USP28: variants seen among roughly 807,000 people sequenced by gnomAD.
USP28 encodes the protein ubiquitin specific peptidase 28.
USP28 carries 113 observed loss-of-function variants against 145.0 expected under a neutral mutation model. The observed-to-expected ratio is 0.78, with a 90% CI of 0.67 to 0.91. USP28 has a LOEUF of 0.91. Among genes scored for constraint, USP28 ranks in the 40% least tolerant of loss-of-function variants. The probability of loss-of-function intolerance (pLI) is 0.00; values close to 1 mark genes in which losing one functional copy is unlikely to be tolerated. For missense variants in USP28, 1,201 were observed against 1,289.6 expected, an observed-to-expected ratio of 0.93 and a Z score of 1.05; for synonymous variants, 447 against 450.9, an observed-to-expected ratio of 0.99 and a Z score of 0.11.
chr11:113,813,582 C>T (rs146066261), intron 15 of USP28, among the ~76,000 whole-genome samples: 595 of 152,324 alleles, frequency 3.9e-3, no homozygotes, highest in South Asian at 5.6e-3. Context: ...TCCCACTGCA[C>T]TACTTAAAGT....
At chr11:113,821,224 T>TCCACC (rs1164605300) in intron 12 of USP28, 1 of 223,066 alleles carries the variant, frequency 4.5e-6, no homozygotes, top group Admixed American at 4.4e-5. Context: ...TGGACACCAC[T>TCCACC]CCACCTGGTC....
At chr11:113,819,468 A>C (rs886572494) in intron 12 of USP28, among the ~76,000 whole-genome samples, 2 of 152,120 alleles carry the variant, frequency 1.3e-5, no homozygotes, top group Non-Finnish European at 2.9e-5. Flanking sequence ...CGAAAATTCA[A>C]ATACAAAAAA....
At chr11:113,833,164 T>A (rs984170905) in intron 7 of USP28, among the ~76,000 whole-genome samples, 2 of 152,226 alleles carry the variant, frequency 1.3e-5, no homozygotes, top group African/African-American at 4.8e-5. Flanking sequence ...AGCCCCGGTA[T>A]AATTCTACAT....
chr11:113,802,278 CCAA>C (rs144591776), intron 23 of USP28, among the ~76,000 whole-genome samples: 9,794 of 152,268 alleles, frequency 0.064, 347 homozygotes, highest in African/African-American at 0.082. Context: ...ATCCATCAAA[CCAA>C]CAAGATCCCT....
At chr11:113,837,643 C>T (rs1331248422) in intron 5 of USP28, among the ~76,000 whole-genome samples, 3 of 152,150 alleles carry the variant, frequency 2.0e-5, no homozygotes, top group Non-Finnish European at 4.4e-5. Flanking sequence ...CTCCATCTAG[C>T]TTTGATGCTA....
At position 113,818,974 on chromosome 11, in the gene USP28, A is replaced by G. The variant is rs1184828020; in HGVS notation, c.1284-1137T>C. 4.6e-5 allele frequency among the ~76,000 whole-genome samples: 7 copies of G among 152,102 alleles called. 1 individual carries two copies. Among genetic ancestry groups the G allele is most frequent in the Admixed American group, 4.6e-4 (7 of 15,276 alleles). ...CAACTTTTAGGACCAACTACTTCAT[A>G]CAATGTACACCTCTATCAGTTTAGT... On this transcript the variant is annotated intron_variant, in intron 12 of 24. Coordinates refer to ENST00000003302, the Ensembl canonical transcript of USP28.
At chr11:113,812,471 C>G in exon 16 of USP28, 3 of 1,614,070 alleles carry the variant, frequency 1.9e-6, no homozygotes, top group Non-Finnish European at 2.5e-6. Context: ...GCTTGTCCTT[C>G]ATGAACAAGA....
chr11:113,874,950 A>C, intron 1 of USP28: 1 of 983,680 alleles, frequency 1.0e-6, no homozygotes, highest in Non-Finnish European at 1.2e-6. Context: ...GGAGGGAGGG[A>C]AGTGGTGGTA....
At chr11:113,842,848 G>A (rs775791555) in intron 3 of USP28, among the ~76,000 whole-genome samples, 5 of 150,798 alleles carry the variant, frequency 3.3e-5, no homozygotes, top group Non-Finnish European at 7.4e-5. Flanking sequence ...ACGGAGAAAC[G>A]TTAAGTATAT....
intron 1 of USP28, among the ~76,000 whole-genome samples, chr11:113,859,065 A>T (rs1947367510): frequency 6.6e-6 from 1 of 152,058 alleles, no homozygotes; most frequent in Admixed American, 6.6e-5. Flanking sequence ...CTTTTTGGAA[A>T]TGGGGGTCTC....
At chr11:113,818,803 G>A (rs1247238179) in intron 12 of USP28, among the ~76,000 whole-genome samples, 1 of 151,832 alleles carries the variant, frequency 6.6e-6, no homozygotes, top group East Asian at 1.9e-4. Context: ...TGAGACTACA[G>A]TGAGCCAAGA....
At chr11:113,826,237 C>G (rs561227381) in intron 11 of USP28, among the ~76,000 whole-genome samples, 8 of 136,846 alleles carry the variant, frequency 5.8e-5, no homozygotes. Context: ...GAGCCGAGAT[C>G]GTGCCACTGC....
At chr11:113,841,738 T>C (rs1440906606) in exon 4 of USP28, 1 of 1,613,574 alleles carries the variant, frequency 6.2e-7, no homozygotes, top group Non-Finnish European at 8.5e-7. Flanking sequence ...CTGAAGATCA[T>C]CTTTGTTATC....
At position 113,827,364 on chromosome 11, in the gene USP28, G is replaced by T. The variant is rs770771761; in HGVS notation, c.1060-4C>A. ...GAGGTAGCTTTGTAAACCAACGCTA[G>T]TGTCAAGAGTAGAAATGTGAGAGAA... On this transcript the variant is annotated splice_polypyrimidine_tract_variant and splice_region_variant and intron_variant, in intron 10 of 24. Coordinates refer to ENST00000003302, the Ensembl canonical transcript of USP28. 6.3e-7 allele frequency: 1 copy of T among 1,580,380 alleles called. No homozygotes were observed. The highest frequency in any genetic ancestry group is 8.5e-7 in the Non-Finnish European group (1 of 1,170,388).
At chr11:113,869,766 A>G (rs761349106) in intron 1 of USP28, among the ~76,000 whole-genome samples, 9 of 152,218 alleles carry the variant, frequency 5.9e-5, no homozygotes, top group Non-Finnish European at 1.0e-4. Context: ...CCCTGGGAAA[A>G]TAAGTATGAA....
exon 17 of USP28, chr11:113,809,176 T>A: frequency 6.2e-7 from 1 of 1,614,240 alleles, no homozygotes; most frequent in Non-Finnish European, 8.5e-7. Context: ...CCGCCAGTTA[T>A]CCTCCTGAAT....
intron 1 of USP28, among the ~76,000 whole-genome samples, chr11:113,861,723 G>T (rs2136846764): frequency 6.6e-6 from 1 of 152,154 alleles, no homozygotes; most frequent in South Asian, 2.1e-4. Context: ...CTATGCACAT[G>T]AATATATTTT....
In USP28 at chr11:113,801,648, C is replaced by A; in HGVS notation, c.2893G>T (p.Glu965Ter). Residue 965 changes from glutamate to a stop codon, truncating the protein, a stop_gained, in exon 24 of 25, where the codon GAA (glutamate) becomes TAA (stop). Transcript: ENST00000003302. LOFTEE classifies it high-confidence loss of function. ...GTTACGGAGTGATCATCATTTGTTT[C>A]AAAAAGAGAAGCTGCTTTGGCATTC... The A allele has an allele frequency of 6.3e-7, 1 of 1,581,994 alleles. No homozygotes were observed. The highest frequency in any genetic ancestry group is 8.7e-7 in the Non-Finnish European group (1 of 1,155,954).
At chr11:113,874,705 C>T in intron 1 of USP28, 2 of 1,205,664 alleles carry the variant, frequency 1.7e-6, no homozygotes, top group Admixed American at 3.3e-5. Context: ...GCCCTCTTCC[C>T]AAGTTTCTTC....
Sources: gnomAD v4.1 joint callset for allele counts (sites outside exome capture counted in the v4.1 genomes callset) on GRCh38, gnomAD v4.1.1 for gene constraint, MANE v1.5 for transcripts, NCBI Gene and HGNC (gene_info 2026-07-23, HGNC 2026-07-21) for gene names.